Variants in TENM2 observed in about 807,000 individuals in gnomAD.
TENM2 encodes teneurin transmembrane protein 2, also known as teneurin-2.
In TENM2, 52 loss-of-function variants were observed where a neutral mutation model predicts 245.2. The ratio of observed to expected loss-of-function variants is 0.21; its 90% CI spans 0.17 to 0.27. The LOEUF (loss-of-function observed/expected upper bound fraction) is 0.27. Among genes scored for constraint, TENM2 ranks in the 10% least tolerant of loss-of-function variants. The pLI, the probability that TENM2 is intolerant of heterozygous loss-of-function variation, is 1.00. For missense variants in TENM2, 3,046 were observed against 3,666.8 expected, an observed-to-expected ratio of 0.83 and a Z score of 4.37; for synonymous variants, 1,363 against 1,438.9, an observed-to-expected ratio of 0.95 and a Z score of 1.19.
chr5:167,857,057 G>A (rs1187372265), intron 2 of TENM2, among the ~76,000 whole-genome samples: 2 of 152,114 alleles, frequency 1.3e-5, no homozygotes, highest in South Asian at 4.2e-4. Flanking sequence ...CCTGGCCTAG[G>A]AGAGAACCTG....
intron 2 of TENM2, among the ~76,000 whole-genome samples, chr5:167,708,615 G>A (rs1490209601): frequency 6.6e-6 from 1 of 152,082 alleles, no homozygotes; most frequent in Non-Finnish European, 1.5e-5. Flanking sequence ...GAGAGGACTT[G>A]GGTAGAGGAC....
chr5:167,034,649 AAAAAG>A, the TENM2 span, among the ~76,000 whole-genome samples: 2 of 150,558 alleles, frequency 1.3e-5, no homozygotes, highest in Non-Finnish European at 3.0e-5. Context: ...AAAAAAAAAA[AAAAAG>A]AAAATATTTT....
chr5:167,684,700 C>T (rs978153064), intron 2 of TENM2, among the ~76,000 whole-genome samples: 3 of 152,182 alleles, frequency 2.0e-5, no homozygotes, highest in Non-Finnish European at 4.4e-5. Flanking sequence ...TTTCCCATTA[C>T]TAATACGAAC....
In TENM2 at chr5:167,695,902, C is replaced by T. The variant is rs370334171; in HGVS notation, c.503-180084C>T. Among the ~76,000 whole-genome samples the T allele has an allele frequency of 1.0e-3, 157 of 151,862 alleles. 4 individuals are homozygous for T. In the South Asian group the frequency reaches 0.031, roughly 30 times the overall value. Reference sequence around the variant, plus strand: ...ACAAAAAATTAGCCAGGTGTTGTGGCGGACACCTGTAGTCCCAGCTACTGG... The same window carrying T: ...ACAAAAAATTAGCCAGGTGTTGTGGTGGACACCTGTAGTCCCAGCTACTGG... On this transcript the variant is annotated intron_variant, in intron 2 of 28. Transcript: ENST00000518659.
chr5:167,879,909 T>C (rs28660399), intron 3 of TENM2, among the ~76,000 whole-genome samples: 6,950 of 152,250 alleles, frequency 0.046, 185 homozygotes, highest in South Asian at 0.1. Context: ...TATATCAAAA[T>C]CAGCAGGCTT....
chr5:167,064,315 T>G, the TENM2 span, among the ~76,000 whole-genome samples: 1 of 152,150 alleles, frequency 6.6e-6, no homozygotes, highest in African/African-American at 2.4e-5. Flanking sequence ...ATTCAAAAAT[T>G]TATGGAAAAT....
intron 9 of TENM2, among the ~76,000 whole-genome samples, chr5:168,107,071 G>A (rs1794302524): frequency 7.9e-5 from 12 of 152,000 alleles, no homozygotes; most frequent in Admixed American, 7.9e-4. Context: ...GAGAGAAAGA[G>A]AGAGAGAAAT....
chr5:167,981,987 A>G (rs1284336603), intron 4 of TENM2, among the ~76,000 whole-genome samples: 1 of 151,392 alleles, frequency 6.6e-6, no homozygotes, highest in East Asian at 1.9e-4. Flanking sequence ...ACCAAAAAAA[A>G]AAAAAAAAGA....
At chr5:168,045,613 G>A (rs1398637450) in intron 5 of TENM2, among the ~76,000 whole-genome samples, 1 of 152,162 alleles carries the variant, frequency 6.6e-6, no homozygotes, top group East Asian at 1.9e-4. Context: ...AGCGGCACCT[G>A]CAGTACCTGC....
At chr5:167,718,455 A>G (rs770447439) in intron 2 of TENM2, among the ~76,000 whole-genome samples, 4 of 152,200 alleles carry the variant, frequency 2.6e-5, no homozygotes, top group Non-Finnish European at 5.9e-5. Flanking sequence ...GCCTCCCTGG[A>G]GACAATGTAC....
At chr5:168,114,338 A>G (rs1219135084) in intron 9 of TENM2, among the ~76,000 whole-genome samples, 1 of 152,172 alleles carries the variant, frequency 6.6e-6, no homozygotes, top group Non-Finnish European at 1.5e-5. Context: ...TGCTACTTCC[A>G]CTTCTGCTCC....
chr5:167,967,649 C>T (rs1021672247), intron 4 of TENM2, among the ~76,000 whole-genome samples: 3 of 152,174 alleles, frequency 2.0e-5, no homozygotes, highest in African/African-American at 7.2e-5. Context: ...AAAATCCATC[C>T]CTCAGCAGCC....
At chr5:167,698,424 C>G (rs1757912271) in intron 2 of TENM2, among the ~76,000 whole-genome samples, 1 of 152,144 alleles carries the variant, frequency 6.6e-6, no homozygotes, top group African/African-American at 2.4e-5. Flanking sequence ...CCACACTGTT[C>G]CCTGTGCTAG....
chr5:167,993,155 T>C (rs780270523), exon 5 of TENM2: 1 of 1,614,010 alleles, frequency 6.2e-7, no homozygotes, highest in South Asian at 1.1e-5. Flanking sequence ...GGCCCTCCTC[T>C]TGGCTATTTT....
chr5:167,831,983 G>GA (rs10600507), intron 2 of TENM2, among the ~76,000 whole-genome samples: 248 of 134,982 alleles, frequency 1.8e-3, no homozygotes, highest in African/African-American at 4.4e-3. Context: ...GAGAATGGAC[G>GA]AAAAAAAAAA....
intron 5 of TENM2, among the ~76,000 whole-genome samples, chr5:168,002,561 G>A (rs533737826): frequency 6.6e-6 from 1 of 152,264 alleles, no homozygotes; most frequent in Admixed American, 6.5e-5. Flanking sequence ...CTTTGAAACT[G>A]GTTTTAAGGC....
intron 2 of TENM2, among the ~76,000 whole-genome samples, chr5:167,512,666 A>G (rs148622206): frequency 1.3e-5 from 2 of 152,306 alleles, no homozygotes; most frequent in East Asian, 3.9e-4. Flanking sequence ...TTTGGAAGAG[A>G]ACTCAGATTT....
At chr5:167,873,862 T>C (rs1357942825) in intron 2 of TENM2, among the ~76,000 whole-genome samples, 1 of 152,142 alleles carries the variant, frequency 6.6e-6, no homozygotes, top group Non-Finnish European at 1.5e-5. Flanking sequence ...TCAAACTCCA[T>C]TTATCAACTG....
At chr5:167,228,862 G>A in the TENM2 span, among the ~76,000 whole-genome samples, 1 of 151,988 alleles carries the variant, frequency 6.6e-6, no homozygotes, top group African/African-American at 2.4e-5. Flanking sequence ...CCGCCACCAC[G>A]CCCGGCTACT....
Sources: allele counts gnomAD v4.1 joint callset (sites outside exome capture counted in the v4.1 genomes callset), GRCh38; gene constraint gnomAD v4.1.1; transcripts MANE v1.5; gene names NCBI Gene and HGNC (gene_info 2026-07-23, HGNC 2026-07-21).